The following UBR2 variants were observed in gnomAD, a reference collection of about 807,000 sequenced individuals.
UBR2 encodes E3 ubiquitin-protein ligase UBR2.
In UBR2, 92 loss-of-function variants were observed where a neutral mutation model predicts 247.9. The ratio of observed to expected loss-of-function variants is 0.37; its 90% CI spans 0.31 to 0.44. The LOEUF is 0.44. UBR2 is among the 20% of genes least tolerant of loss of function. The pLI is 1.00. For synonymous variants in UBR2, 672 were observed against 693.5 expected (o/e 0.97, Z 0.49); for missense variants, 1,613 against 2,112.6 (o/e 0.76, Z 4.64).
intron 13 of UBR2, chr6:42,634,156 T>G (rs1255368318): frequency 5.5e-6 from 1 of 181,604 alleles, no homozygotes; most frequent in East Asian, 1.7e-4. Context: ...TGATTTTGCT[T>G]TTTAATGTTT....
intron 7 of UBR2, among the ~76,000 whole-genome samples, chr6:42,609,386 T>A (rs1049994609): frequency 1.3e-5 from 2 of 151,980 alleles, no homozygotes; most frequent in African/African-American, 4.8e-5. Context: ...AGAAAAAAAA[T>A]CAATGAAAGC....
intron 2 of UBR2, among the ~76,000 whole-genome samples, chr6:42,575,205 T>G (rs2151904369): frequency 6.6e-6 from 1 of 152,016 alleles, no homozygotes; most frequent in East Asian, 1.9e-4. Context: ...TTATTTAACT[T>G]TTTCCTTTAA....
At chr6:42,598,448 G>T (rs1793142662) in intron 4 of UBR2, among the ~76,000 whole-genome samples, 1 of 152,102 alleles carries the variant, frequency 6.6e-6, no homozygotes, top group African/African-American at 2.4e-5. Context: ...GTTGACCCTA[G>T]GTGTAGGCTA....
intron 15 of UBR2, among the ~76,000 whole-genome samples, chr6:42,637,713 G>T (rs528564007): frequency 6.6e-6 from 1 of 152,178 alleles, no homozygotes; most frequent in South Asian, 2.1e-4. Flanking sequence ...GACATAATGG[G>T]GTGATAATCT....
rs1263403153 is a variant in UBR2, at chr6:42,644,496, T to G, written c.2244T>G (p.Thr748=). The change falls in exon 20 of 47, where the codon ACT becomes ACG. Residue 748 remains threonine (T), a synonymous_variant. Transcript: ENST00000372901. ...THKDVVQQNN[T]LIEEMLYLII... ...AGGATGTTGTTCAGCAGAACAATACTCTAATAGAAGAAATGCTATACCTCA... is the reference window on the plus strand; with the variant it reads ...AGGATGTTGTTCAGCAGAACAATACGCTAATAGAAGAAATGCTATACCTCA... 1.1e-5 allele frequency: 18 copies of G among 1,611,788 alleles called. No homozygotes were observed. Among genetic ancestry groups the G allele is most frequent in the East Asian group, 4.5e-5 (2 of 44,850 alleles).
chr6:42,585,336 C>T (rs780886407), intron 2 of UBR2, among the ~76,000 whole-genome samples: 1 of 152,016 alleles, frequency 6.6e-6, no homozygotes, highest in Non-Finnish European at 1.5e-5. Context: ...GGATTCAACT[C>T]GTTAATGTTG....
intron 15 of UBR2, 21 bp downstream of exon 15, chr6:42,637,215 TA>T: frequency 6.3e-7 from 1 of 1,597,008 alleles, no homozygotes; most frequent in Non-Finnish European, 8.5e-7. Context: ...TCCCCTAAAA[TA>T]AAACCCTAAA....
intron 44 of UBR2, among the ~76,000 whole-genome samples, chr6:42,685,862 G>A (rs960287848): frequency 6.0e-4 from 91 of 151,420 alleles, no homozygotes; most frequent in African/African-American, 2.1e-3. Flanking sequence ...GGGTGACAGC[G>A]AGACCTTGTC....
chr6:42,586,610 G>C (rs1252176785), intron 2 of UBR2, among the ~76,000 whole-genome samples: 2 of 127,396 alleles, frequency 1.6e-5, no homozygotes, highest in Non-Finnish European at 3.2e-5. Flanking sequence ...GGGTTAATTA[G>C]AATTGTAGCA....
In UBR2 at chr6:42,605,715, A is replaced by T. The variant is rs1793655541; in HGVS notation, c.663-6A>T. On this transcript the variant is annotated splice_polypyrimidine_tract_variant and splice_region_variant and intron_variant, in intron 5 of 46. Transcript: ENST00000372901. Reference sequence around the variant, plus strand: ...GATAATATATCATGAATATTTTATCACACAGAGAGAAGAGTGACACCTACT... The same window carrying T: ...GATAATATATCATGAATATTTTATCTCACAGAGAGAAGAGTGACACCTACT... 6.3e-7 allele frequency: 1 copy of T among 1,592,250 alleles called. No individual in the cohort carries two copies. Among genetic ancestry groups the T allele is most frequent in the African/African-American group, 1.4e-5 (1 of 73,586 alleles).
At chr6:42,626,551 G>T (rs918921261) in intron 11 of UBR2, among the ~76,000 whole-genome samples, 12 of 152,122 alleles carry the variant, frequency 7.9e-5, no homozygotes, top group Non-Finnish European at 1.5e-4. Context: ...GCATATTCGA[G>T]TTCTCTTCAG....
chr6:42,577,004 A>G (rs1259178643), intron 2 of UBR2, among the ~76,000 whole-genome samples: 1 of 152,150 alleles, frequency 6.6e-6, no homozygotes, highest in Non-Finnish European at 1.5e-5. Flanking sequence ...TAGATTGTTG[A>G]GAGGGTTAGT....
At chr6:42,615,037 T>G in intron 8 of UBR2, 34 bp from the exon 9 acceptor site, 1 of 1,552,714 alleles carries the variant, frequency 6.4e-7, no homozygotes, top group Non-Finnish European at 8.8e-7. Context: ...TATTTGAAGT[T>G]GCTATCTCAT....
Position 42,617,493 on chromosome 6 carries a change from A to C in UBR2, c.1267A>C (p.Thr423Pro). ...SVADLSVQIF[T>P]VPSLARMLIT... ...CGCAGACCTCTCGGTTCAGATATTC[A>C]CGGTTCCTTCACTTGTAAGTACTGA... The change falls in exon 11 of 47, where the codon ACG becomes CCG. Residue 423 changes from threonine to proline, a missense_variant. Coordinates refer to ENST00000372901, the MANE Select transcript of UBR2 (RefSeq NM_001363705.2). The C allele has an allele frequency of 6.4e-7, 1 of 1,551,654 alleles. No homozygotes were observed. The highest frequency in any genetic ancestry group is 8.7e-7 in the Non-Finnish European group (1 of 1,147,120).
intron 43 of UBR2, 151 bp downstream of exon 43, chr6:42,683,262 A>G (rs963550385): frequency 7.2e-6 from 4 of 558,126 alleles, no homozygotes; most frequent in Non-Finnish European, 1.2e-5. Flanking sequence ...TTCTTAATCT[A>G]ATGAGAGTCT....
intron 14 of UBR2, 43 bp from the exon 15 acceptor site, chr6:42,636,968 A>G: frequency 6.3e-7 from 1 of 1,585,246 alleles, no homozygotes; most frequent in South Asian, 1.1e-5. Context: ...TGTTGTAAAA[A>G]CTCAACCTTT....
chr6:42,654,461 A>AC (rs1028381566), intron 25 of UBR2, among the ~76,000 whole-genome samples: 3 of 152,092 alleles, frequency 2.0e-5, no homozygotes, highest in African/African-American at 7.2e-5. Flanking sequence ...ACAGTGGCTC[A>AC]CCCCTGTAAT....
At chr6:42,582,299 A>C (rs997087614) in intron 2 of UBR2, among the ~76,000 whole-genome samples, 1 of 149,924 alleles carries the variant, frequency 6.7e-6, no homozygotes, top group Non-Finnish European at 1.5e-5. Flanking sequence ...AAAAAAAAAA[A>C]AAAACATTTT....
chr6:42,610,854 T>C (rs961888832), intron 7 of UBR2, among the ~76,000 whole-genome samples: 9 of 152,006 alleles, frequency 5.9e-5, no homozygotes, highest in Admixed American at 2.0e-4. Context: ...TTACCTTTTT[T>C]TTTTTTTTGA....
Sources: allele counts gnomAD v4.1 joint callset (sites outside exome capture counted in the v4.1 genomes callset), GRCh38; gene constraint gnomAD v4.1.1; transcripts MANE v1.5; gene names NCBI Gene and HGNC (gene_info 2026-07-23, HGNC 2026-07-21).